STRBP: variants seen among roughly 807,000 people sequenced by gnomAD.
The protein encoded by STRBP is spermatid perinuclear RNA-binding protein.
A neutral mutation model predicts 80.1 loss-of-function variants in STRBP; 13 were observed. That is an observed-to-expected ratio of 0.16 (90% CI 0.11 to 0.26). The LOEUF (loss-of-function observed/expected upper bound fraction) is 0.26, where lower values mean the gene tolerates loss of function less well. Among genes scored for constraint, STRBP ranks in the 10% least tolerant of loss-of-function variants. STRBP has a pLI of 1.00. For synonymous variants in STRBP, 284 were observed against 291.2 expected (o/e 0.98, Z 0.25); for missense variants, 485 against 815.2 (o/e 0.59, Z 4.93).
At chr9:123,154,885 C>T (rs1290131972) in intron 11 of STRBP, among the ~76,000 whole-genome samples, 1 of 152,182 alleles carries the variant, frequency 6.6e-6, no homozygotes, top group East Asian at 1.9e-4. Context: ...TGTTGCAGGA[C>T]CTACAGAATC....
chr9:123,220,911 T>C (rs1267970282), intron 2 of STRBP, among the ~76,000 whole-genome samples: 6 of 152,120 alleles, frequency 3.9e-5, no homozygotes, highest in African/African-American at 7.2e-5. Flanking sequence ...CAGGTCTATC[T>C]AGCTCCAAAA....
chr9:123,251,586 T>C (rs1024132940), intron 1 of STRBP, among the ~76,000 whole-genome samples: 47 of 152,306 alleles, frequency 3.1e-4, no homozygotes, highest in African/African-American at 1.1e-3. Context: ...AGCCAGCTTT[T>C]TCATGTACAA....
chr9:123,127,416 ACT>A (rs1414049247), intron 18 of STRBP, among the ~76,000 whole-genome samples: 2 of 151,884 alleles, frequency 1.3e-5, no homozygotes, highest in East Asian at 1.9e-4. Context: ...GCACACACAC[ACT>A]CTCATGCTCT....
chr9:123,230,073 T>A (rs531565042), intron 2 of STRBP, among the ~76,000 whole-genome samples: 8 of 152,252 alleles, frequency 5.3e-5, no homozygotes, highest in Admixed American at 2.6e-4. Context: ...ACAGAGGAGT[T>A]AGCATAATGA....
At chr9:123,179,315 A>G (rs2038355612) in intron 3 of STRBP, 88 bp from the exon 4 acceptor site, 3 of 1,110,658 alleles carry the variant, frequency 2.7e-6, no homozygotes, top group South Asian at 1.5e-5. Context: ...TAGCCAACCC[A>G]TAGCACTGAC....
intron 1 of STRBP, among the ~76,000 whole-genome samples, chr9:123,253,673 G>A (rs1311972283): frequency 1.3e-5 from 2 of 152,226 alleles, no homozygotes; most frequent in African/African-American, 4.8e-5. Context: ...ACGCATGCCT[G>A]CTATCAGCAT....
chr9:123,139,790 T>TGGATTTG, intron 13 of STRBP, 103 bp from the exon 14 acceptor site: 2 of 1,157,548 alleles, frequency 1.7e-6, no homozygotes, highest in Non-Finnish European at 2.5e-6. Flanking sequence ...GTTTGAACCA[T>TGGATTTG]AAAACACCTT....
At chr9:123,120,257 C>A (rs759916708), downstream of STRBP, among the ~76,000 whole-genome samples, 23 of 152,066 alleles carry the variant, frequency 1.5e-4, no homozygotes, top group South Asian at 6.3e-4. Flanking sequence ...CCTGTGGTCA[C>A]TGCACAGCAT....
rs1298676485 is a variant in STRBP at position 123,186,026 on chromosome 9, C to T, written c.-164-1728G>A. Among the ~76,000 whole-genome samples the T allele has an allele frequency of 2.8e-3, 188 of 67,018 alleles. 5 individuals carry two copies. In the Admixed American group the frequency reaches 0.035, roughly 12 times the overall value. 44.0% of individuals were successfully genotyped at this position (67,018 alleles called of 152,430 possible). A position where few individuals can be genotyped will look rare whatever the true frequency, so the allele number is the denominator to read the frequency against. On this transcript the variant is annotated intron_variant, in intron 2 of 18. Transcript: ENST00000348403. ...CAGCCTGGGCGAAAAAGCAAGACTCCGTCTCAAAAAAAAAAAAAAAAAAAT... is the reference window on the plus strand; with the variant it reads ...CAGCCTGGGCGAAAAAGCAAGACTCTGTCTCAAAAAAAAAAAAAAAAAAAT...
At chr9:123,208,833 A>G in intron 2 of STRBP, among the ~76,000 whole-genome samples, 1 of 152,178 alleles carries the variant, frequency 6.6e-6, no homozygotes, top group African/African-American at 2.4e-5. Flanking sequence ...CAACACTCTG[A>G]CAAGAATTCA....
intron 13 of STRBP, 124 bp from the exon 14 acceptor site, chr9:123,139,811 C>T: frequency 1.1e-6 from 1 of 892,184 alleles, no homozygotes; most frequent in Non-Finnish European, 1.7e-6. Context: ...GCAGGAAGAG[C>T]AAGATGGTAC....
chr9:123,127,409 C>T (rs1176980582), intron 18 of STRBP, among the ~76,000 whole-genome samples: 4 of 152,178 alleles, frequency 2.6e-5, no homozygotes, highest in Non-Finnish European at 4.4e-5. Context: ...CACTCTTGCA[C>T]ACACACACTC....
intron 2 of STRBP, among the ~76,000 whole-genome samples, chr9:123,208,428 G>A (rs1014205032): frequency 1.3e-5 from 2 of 152,072 alleles, no homozygotes; most frequent in Non-Finnish European, 2.9e-5. Flanking sequence ...CTTAGCTAGC[G>A]CACAGTTTGT....
At position 123,173,835 on chromosome 9, in the gene STRBP, C is replaced by T; in HGVS notation, c.232G>A (p.Gly78Ser). The T allele has an allele frequency of 1.3e-6, 2 of 1,593,728 alleles. No homozygotes were observed. Among genetic ancestry groups the T allele is most frequent in the Non-Finnish European group, 1.7e-6 (2 of 1,174,050 alleles). Residue 78 changes from glycine to serine, a missense_variant, in exon 5 of 19, where the codon GGT becomes AGT. Coordinates refer to ENST00000348403, the MANE Select transcript of STRBP (RefSeq NM_018387.5). Reference sequence around the variant, plus strand: ...ATTACACCACACAATGTCCGACCACCTTGATCCCTAAAAATAAAAGTCTGC... The same window carrying T: ...ATTACACCACACAATGTCCGACCACTTTGATCCCTAAAAATAAAAGTCTGC... ...EAGENYSKDQ[G>S]GRTLCGVMRI...
chr9:123,226,885 G>T (rs79972064), intron 2 of STRBP, among the ~76,000 whole-genome samples: 4 of 152,242 alleles, frequency 2.6e-5, no homozygotes, highest in Non-Finnish European at 5.9e-5. Flanking sequence ...TTGGCTCATG[G>T]TTCTAGAGTC....
chr9:123,201,790 G>A (rs1404921864), intron 2 of STRBP, among the ~76,000 whole-genome samples: 1 of 152,186 alleles, frequency 6.6e-6, no homozygotes, highest in Admixed American at 6.5e-5. Context: ...TAAGTCCACT[G>A]TTTCTCAGTT....
intron 1 of STRBP, among the ~76,000 whole-genome samples, chr9:123,268,172 G>A (rs1249331850): frequency 1.3e-5 from 2 of 151,866 alleles, no homozygotes; most frequent in Admixed American, 6.5e-5. Flanking sequence ...TCCCCGCGAA[G>A]GTGAGGAAGG....
chr9:123,181,652 C>T (rs565511042), intron 3 of STRBP, among the ~76,000 whole-genome samples: 153 of 151,670 alleles, frequency 1.0e-3, no homozygotes, highest in Non-Finnish European at 1.8e-3. Flanking sequence ...TAAATTTAGC[C>T]AGGCATGGTG....
Position 123,184,212 on chromosome 9 carries a change from G to A in STRBP, c.-78C>T, listed in dbSNP as rs2038607551. 6.9e-7 allele frequency: 1 copy of A among 1,454,270 alleles called. No homozygotes were observed. Among genetic ancestry groups the A allele is most frequent in the African/African-American group, 1.4e-5 (1 of 71,302 alleles). 90.1% of individuals were successfully genotyped at this position (1,454,270 alleles called of 1,614,324 possible). ...TCGTCTTCACTAGACACTGTTTTGT[G>A]TAACAATACCTCCTCATAAGCCTGA... On this transcript the variant is annotated 5_prime_UTR_variant, in exon 3 of 19. Transcript: ENST00000348403.
Sources: gnomAD v4.1 joint callset for allele counts (sites outside exome capture counted in the v4.1 genomes callset) on GRCh38, gnomAD v4.1.1 for gene constraint, MANE v1.5 for transcripts, NCBI Gene and HGNC (gene_info 2026-07-23, HGNC 2026-07-21) for gene names.